The following TEX26 variants were observed in gnomAD, a reference collection of about 807,000 sequenced individuals.
TEX26 encodes testis-expressed protein 26.
Under a neutral mutation model 35.3 loss-of-function variants are expected in TEX26, and 34 were observed. That is an observed-to-expected ratio of 0.96 (90% confidence interval 0.73 to 1.28). TEX26 has a LOEUF of 1.28. Among genes scored for constraint, TEX26 ranks in the 50% most tolerant of loss-of-function variants. The probability of loss-of-function intolerance (pLI) is 0.00; values close to 1 mark genes in which losing one functional copy is unlikely to be tolerated. For missense variants in TEX26, 371 were observed against 330.1 expected, an observed-to-expected ratio of 1.12 and a Z score of -0.96; for synonymous variants, 136 against 111.8, an observed-to-expected ratio of 1.22 and a Z score of -1.36.
chr13:30,956,984 C>G lies in TEX26; in HGVS notation c.424C>G (p.Gln142Glu). The G allele has an allele frequency of 6.2e-7, 1 of 1,614,206 alleles. No homozygotes were observed. The highest frequency in any genetic ancestry group is 1.6e-4 in the Middle Eastern group (1 of 6,062). The change falls in exon 4 of 7, where the codon CAG becomes GAG. Residue 142 changes from glutamine to glutamate, a missense_variant. Coordinates refer to ENST00000380473, the MANE Select transcript of TEX26 (RefSeq NM_152325.3). ...MKEVNKALSN[Q>E]FISLTKRDFV... Reference sequence around the variant, plus strand: ...AGAAGTTAACAAGGCACTATCAAATCAGTTTATTTCCCTTACTAAGAGAGA... The same window carrying G: ...AGAAGTTAACAAGGCACTATCAAATGAGTTTATTTCCCTTACTAAGAGAGA...
chr13:30,965,217 G>A (rs1954484448), intron 4 of TEX26, among the ~76,000 whole-genome samples: 1 of 152,042 alleles, frequency 6.6e-6, no homozygotes, highest in Non-Finnish European at 1.5e-5. Flanking sequence ...TCCTCTGCTG[G>A]TCTAGACAGA....
chr13:30,974,131 A>AAAAAAATAT lies in TEX26; in HGVS notation c.809-714_809-713insAAAAATATA. ...GTGAGCCTCCATCTAAAAAAAAAAA[A>AAAAAAATAT]ATATATATATATATATATATATATA... On this transcript the variant is annotated intron_variant, in intron 6 of 6. Coordinates refer to ENST00000380473, the MANE Select transcript of TEX26 (RefSeq NM_152325.3). 6.5e-3 allele frequency among the ~76,000 whole-genome samples: 548 copies of AAAAAAATAT among 84,370 alleles called. 7 individuals carry two copies. The highest frequency in any genetic ancestry group is 0.015 in the African/African-American group (319 of 21,044). 55.3% of individuals were successfully genotyped at this position (84,370 alleles called of 152,430 possible). A position where few individuals can be genotyped will look rare whatever the true frequency, so the allele number is the denominator to read the frequency against.
At chr13:30,974,156 A>ATATATATATATAT (rs1566172295) in intron 6 of TEX26, among the ~76,000 whole-genome samples, 14 of 142,288 alleles carry the variant, frequency 9.8e-5, no homozygotes, top group East Asian at 2.0e-4. Context: ...ATATATATAT[A>ATATATATATATAT]ATTAGGAGTA....
chr13:30,957,010 C>T lies in TEX26; in HGVS notation c.450C>T (p.Asp150=). Reference sequence around the variant, plus strand: ...AGTTTATTTCCCTTACTAAGAGAGACTTTGTGGACAGATCAAAAGGTAAAC... The same window carrying T: ...AGTTTATTTCCCTTACTAAGAGAGATTTTGTGGACAGATCAAAAGGTAAAC... The part of the protein sequence containing the change: ...SNQFISLTKR[D]FVDRSKAQKI... Residue 150 remains aspartate, a synonymous_variant, in exon 4 of 7, where the codon GAC becomes GAT. Coordinates refer to ENST00000380473, the MANE Select transcript of TEX26 (RefSeq NM_152325.3). 1 of 1,614,138 alleles carries T rather than the reference C, an allele frequency of 6.2e-7. No individual in the cohort carries two copies. Among genetic ancestry groups the T allele is most frequent in the African/African-American group, 1.3e-5 (1 of 75,042 alleles).
intron 4 of TEX26, among the ~76,000 whole-genome samples, chr13:30,965,279 A>C (rs1246467663): frequency 6.6e-6 from 1 of 152,232 alleles, no homozygotes; most frequent in African/African-American, 2.4e-5. Context: ...CAGTAGATGC[A>C]ATTATGTATC....
chr13:30,966,144 T>C (rs540559669), intron 4 of TEX26, 78 bp from the exon 5 acceptor site: 5 of 1,525,402 alleles, frequency 3.3e-6, no homozygotes, highest in Non-Finnish European at 4.5e-6. Flanking sequence ...TGACCATACC[T>C]CTAAACACAG....
rs1279636194 is a variant in TEX26, at chr13:30,957,024, C to T, written c.464C>T (p.Ser155Leu). 4.3e-6 allele frequency: 7 copies of T among 1,613,570 alleles called. No homozygotes were observed. Among genetic ancestry groups the T allele is most frequent in the African/African-American group, 4.0e-5 (3 of 74,866 alleles). Residue 155 changes from serine to leucine, a missense_variant, in exon 4 of 7, where the codon TCA (serine) becomes TTA (leucine). Physicochemically the swap from Ser to Leu is moderately radical, Grantham distance 145. Coordinates refer to ENST00000380473, the MANE Select transcript of TEX26 (RefSeq NM_152325.3). The stretch of plus-strand genomic sequence containing the variant: ...ACTAAGAGAGACTTTGTGGACAGAT[C>T]AAAAGGTAAACACTTTTGTTTTTCT... ...SLTKRDFVDR[S>L]KAQKIKKSSH...
chr13:30,952,731 G>A lies in TEX26; in HGVS notation c.218G>A (p.Ser73Asn), dbSNP rs1163346430. 1.9e-6 allele frequency: 3 copies of A among 1,612,624 alleles called. No homozygotes were observed. Among genetic ancestry groups the A allele is most frequent in the African/African-American group, 1.3e-5 (1 of 74,822 alleles). The change falls in exon 3 of 7, where the codon AGT becomes AAT. Residue 73 changes from serine (S) to asparagine (N), a missense_variant. Coordinates refer to ENST00000380473, the MANE Select transcript of TEX26 (RefSeq NM_152325.3). ...CCTATTCTCAATCAGACACAATATA[G>A]TGATGAGTACACTTGGAAATCACAC... ...SDPILNQTQY[S>N]DEYTWKSHSK...
rs570428258 is a variant in TEX26, at chr13:30,943,952, G to A, written c.146+4174G>A. Among the ~76,000 whole-genome samples, 7 of 152,110 alleles carry A rather than the reference G, an allele frequency of 4.6e-5. 1 individual carries two copies. The South Asian group carries it at 1.2e-3, about 27-fold the overall frequency. On this transcript the variant is annotated intron_variant, in intron 2 of 6. Coordinates refer to ENST00000380473, the MANE Select transcript of TEX26 (RefSeq NM_152325.3). ...CCAGTATTCCTGGTTTTGGGTATCA[G>A]AGTGTTACTGGCTTCATAAAATGAG...
intron 1 of TEX26, among the ~76,000 whole-genome samples, chr13:30,936,049 C>A (rs926457050): frequency 2.0e-5 from 3 of 152,140 alleles, no homozygotes; most frequent in African/African-American, 7.2e-5. Flanking sequence ...ACCCCTTTTC[C>A]CAATAAAGTA....
In TEX26 at chr13:30,953,819, G is replaced by T. The variant is rs55922020; in HGVS notation, c.312+994G>T. ...AAAGGTAATGCTTTGTTGTAGTAAA[G>T]GGTTTCATTTGCTTGACTGCCACAT... On this transcript the variant is annotated intron_variant, in intron 3 of 6. Transcript: ENST00000380473. 5.2e-3 allele frequency among the ~76,000 whole-genome samples: 796 copies of T among 152,268 alleles called. 4 individuals are homozygous for T. Among genetic ancestry groups the T allele is most frequent in the Non-Finnish European group, 8.0e-3 (545 of 68,020 alleles).
chr13:30,937,750 G>T (rs566403873), intron 1 of TEX26, among the ~76,000 whole-genome samples: 2 of 152,306 alleles, frequency 1.3e-5, no homozygotes, highest in South Asian at 2.1e-4. Context: ...AGGGGCTAAG[G>T]CTTCAGTTAT....
intron 4 of TEX26, 120 bp downstream of exon 4, chr13:30,957,149 G>A (rs2080415641): frequency 2.0e-6 from 2 of 1,016,608 alleles, no homozygotes; most frequent in South Asian, 1.7e-5. Context: ...CATGGAGACA[G>A]GCGACTTTGC....
chr13:30,970,218 G>C (rs1954671158), intron 6 of TEX26, among the ~76,000 whole-genome samples: 1 of 150,014 alleles, frequency 6.7e-6, no homozygotes, highest in African/African-American at 2.5e-5. Flanking sequence ...TGTGTGCTGG[G>C]AGAAAGGAAG....
chr13:30,940,402 C>T (rs1205763139), intron 2 of TEX26, among the ~76,000 whole-genome samples: 1 of 132,882 alleles, frequency 7.5e-6, no homozygotes, highest in African/African-American at 2.9e-5. Flanking sequence ...GGTACGATCT[C>T]GGCTCACTGC....
intron 2 of TEX26, among the ~76,000 whole-genome samples, chr13:30,940,403 G>T (rs879825283): frequency 7.5e-6 from 1 of 132,986 alleles, no homozygotes; most frequent in Non-Finnish European, 1.5e-5. Flanking sequence ...GTACGATCTC[G>T]GCTCACTGCA....
At chr13:30,954,418 T>A (rs148341064) in intron 3 of TEX26, among the ~76,000 whole-genome samples, 25 of 148,304 alleles carry the variant, frequency 1.7e-4, no homozygotes, top group African/African-American at 5.6e-4. Flanking sequence ...AATTTATATA[T>A]AATATAAAAA....
intron 6 of TEX26, 120 bp downstream of exon 6, chr13:30,969,166 CA>C (rs35969747): frequency 0.027 from 16,048 of 595,746 alleles, 1 homozygote; most frequent in South Asian, 0.041. Context: ...AACATTGCCT[CA>C]AAAAAAAAAA....
chr13:30,960,663 C>T (rs957842497), intron 4 of TEX26, among the ~76,000 whole-genome samples: 1 of 152,250 alleles, frequency 6.6e-6, no homozygotes, highest in African/African-American at 2.4e-5. Flanking sequence ...CAGCATTCTG[C>T]TCTTATTTTA....
Sources: allele counts gnomAD v4.1 joint callset (sites outside exome capture counted in the v4.1 genomes callset), GRCh38; gene constraint gnomAD v4.1.1; transcripts MANE v1.5; gene names NCBI Gene and HGNC (gene_info 2026-07-23, HGNC 2026-07-21).